GET4: variants seen among roughly 807,000 people sequenced by gnomAD.
GET4 encodes guided entry of tail-anchored proteins factor 4, also known as Golgi to ER traffic protein 4 homolog.
Under a neutral mutation model 40.0 loss-of-function variants are expected in GET4, and 20 were observed. That is an observed-to-expected ratio of 0.50 (90% CI 0.35 to 0.73). The LOEUF (loss-of-function observed/expected upper bound fraction) is 0.73. Ranked by LOEUF, GET4 falls within the 30% of genes least tolerant of loss-of-function variation. The pLI, the probability that GET4 is intolerant of heterozygous loss-of-function variation, is 0.01. For synonymous variants in GET4, 280 were observed against 194.6 expected, an observed-to-expected ratio of 1.44 and a Z score of -3.65; for missense variants, 557 against 454.0, an observed-to-expected ratio of 1.23 and a Z score of -2.06.
intron 1 of GET4, among the ~76,000 whole-genome samples, chr7:877,135 C>T (rs1843973073): frequency 6.6e-6 from 1 of 151,678 alleles, no homozygotes; most frequent in African/African-American, 2.4e-5. Flanking sequence ...GTCTCCTCGG[C>T]CGCCTCCCGC....
In GET4 at chr7:876,654, G is replaced by A; in HGVS notation, c.9G>A (p.Ala3=). 2 of 1,278,980 alleles carry A rather than the reference G, an allele frequency of 1.6e-6. No individual in the cohort carries two copies. The highest frequency in any genetic ancestry group is 2.0e-6 in the Non-Finnish European group (2 of 1,005,956). 79.2% of individuals were successfully genotyped at this position (1,278,980 alleles called of 1,614,324 possible). A position where few individuals can be genotyped will look rare whatever the true frequency, so the allele number is the denominator to read the frequency against. Residue 3 remains alanine, a synonymous_variant, in exon 1 of 9, where the codon GCG becomes GCA. Coordinates refer to ENST00000265857, the MANE Select transcript of GET4 (RefSeq NM_015949.3). MA[A]AAAMAEQESA... The stretch of plus-strand genomic sequence containing the variant: ...CGCGGAGCGCCGGCCCGATGGCGGC[G>A]GCGGCGGCGATGGCCGAGCAGGAGA...
At chr7:888,848 C>A (rs955473094) in intron 4 of GET4, among the ~76,000 whole-genome samples, 1 of 152,360 alleles carries the variant, frequency 6.6e-6, no homozygotes. Context: ...GGCCCCACTG[C>A]CAGGTTAGGG....
intron 1 of GET4, chr7:885,301 C>T (rs764076953): frequency 6.6e-6 from 1 of 152,292 alleles, no homozygotes; most frequent in Non-Finnish European, 1.5e-5. Context: ...CAGAGGCTGC[C>T]TCCTGCCCTC....
intron 1 of GET4, chr7:878,089 C>T: frequency 3.0e-6 from 1 of 328,972 alleles, no homozygotes; most frequent in South Asian, 2.3e-5. Context: ...TGACGCCGCC[C>T]GGCCTGCCGA....
chr7:884,450 T>C, intron 1 of GET4: 1 of 1,028,124 alleles, frequency 9.7e-7, no homozygotes. Context: ...ACCGGAGGCC[T>C]GCCAACGGCC....
rs1249692743 is a variant in GET4 at position 890,936 on chromosome 7, T to A, written c.475T>A (p.Tyr159Asn). The A allele has an allele frequency of 6.2e-7, 1 of 1,605,148 alleles. No homozygotes were observed. The highest frequency in any genetic ancestry group is 1.1e-5 in the South Asian group (1 of 90,884). Residue 159 changes from tyrosine (Y) to asparagine (N), a missense_variant, in exon 5 of 9, where the codon TAT becomes AAT. Coordinates refer to ENST00000265857, the MANE Select transcript of GET4 (RefSeq NM_015949.3). ...LALTLWKEQN[Y>N]CESRYHFLHS... ...CTGTCTTTCCTTTGCAGAACAAAAC[T>A]ATTGTGAGTCGAGGTATCATTTTCT... is the stretch of plus-strand genomic sequence containing the variant.
Position 895,566 on chromosome 7 carries a change from C to CG in GET4, c.*146dup, listed in dbSNP as rs1238732123. On this transcript the variant is annotated 3_prime_UTR_variant, in exon 9 of 9. Coordinates refer to ENST00000265857, the MANE Select transcript of GET4 (RefSeq NM_015949.3). ...ATGCCGGCGCGTGTCTGTTTCTGTG[C>CG]GGCGGCTCAGGGTGGCGCGGCTGCT... The CG allele has an allele frequency of 7.7e-6, 4 of 518,508 alleles. No homozygotes were observed. The African/African-American group carries it at 7.9e-5, about 10-fold the overall frequency. 32.1% of individuals were successfully genotyped at this position (518,508 alleles called of 1,614,324 possible).
Position 887,488 on chromosome 7 carries a change from G to A in GET4, c.435G>A (p.Leu145=), listed in dbSNP as rs950758107. ...GGSGKLGHPR[L]HQLLALTLWK... is the part of the protein sequence containing the mutation. ...CCGGGAAGCTGGGCCACCCCCGGCT[G>A]CACCAGCTGCTGGCCCTCACCCTGT... Residue 145 remains leucine (L), a synonymous_variant, in exon 4 of 9, where the codon CTG becomes CTA. Coordinates refer to ENST00000265857, the MANE Select transcript of GET4 (RefSeq NM_015949.3). 4 of 1,572,112 alleles carry A rather than the reference G, an allele frequency of 2.5e-6. No individual in the cohort carries two copies. The highest frequency in any genetic ancestry group is 2.7e-5 in the African/African-American group (2 of 73,572).
rs749497997 is a variant in GET4 at position 886,656 on chromosome 7, C to A, written c.316+6C>A. The stretch of plus-strand genomic sequence containing the variant: ...GGTGGCTGACGAGCTGCTGGGTGAG[C>A]ATCCGGCCCTTCACCCCGGGACCCT... On this transcript the variant is annotated splice_donor_region_variant and intron_variant, in intron 3 of 8. Coordinates refer to ENST00000265857, the MANE Select transcript of GET4 (RefSeq NM_015949.3). 6.2e-7 allele frequency: 1 copy of A among 1,600,686 alleles called. No homozygotes were observed. The highest frequency in any genetic ancestry group is 8.6e-7 in the Non-Finnish European group (1 of 1,169,394).
chr7:891,322 A>G (rs966440976), intron 5 of GET4, among the ~76,000 whole-genome samples: 2 of 152,120 alleles, frequency 1.3e-5, no homozygotes, highest in African/African-American at 2.4e-5. Context: ...CCTCTCGCCC[A>G]CTGCCGGGAG....
chr7:893,870 C>T (rs747182756), intron 7 of GET4, 29 bp from the exon 8 acceptor site: 14 of 1,611,200 alleles, frequency 8.7e-6, no homozygotes, highest in African/African-American at 1.3e-5. Flanking sequence ...GGGTCCACCC[C>T]CTCTGAGCCC....
At chr7:892,844 G>A (rs994637298) in intron 6 of GET4, among the ~76,000 whole-genome samples, 1 of 151,534 alleles carries the variant, frequency 6.6e-6, no homozygotes, top group Non-Finnish European at 1.5e-5. Context: ...TGCGTGTCTG[G>A]TGTGGGTAGT....
At chr7:893,275 G>T (rs1481380389) in intron 6 of GET4, among the ~76,000 whole-genome samples, 4 of 117,218 alleles carry the variant, frequency 3.4e-5, no homozygotes, top group East Asian at 3.0e-4. Flanking sequence ...GCGCGGTGGT[G>T]TGTGCAGGTG....
chr7:891,282 G>A (rs1844316176), intron 5 of GET4, among the ~76,000 whole-genome samples: 1 of 152,174 alleles, frequency 6.6e-6, no homozygotes. Context: ...TTTCCCGACG[G>A]GCACTGGAGT....
At position 890,315 on chromosome 7, in the gene GET4, AGC is replaced by A. The variant is rs1246745258; in HGVS notation, c.467-609_467-608del. ...CAGGACGGGGTCTGGGAGTGGAGGG[AGC>A]GCGAGCGGGTGTCAGGACGGGGTCT... On this transcript the variant is annotated intron_variant, in intron 4 of 8. Coordinates refer to ENST00000265857, the MANE Select transcript of GET4 (RefSeq NM_015949.3). 1.1e-3 allele frequency among the ~76,000 whole-genome samples: 27 copies of A among 24,102 alleles called. 7 individuals carry two copies. Among genetic ancestry groups the A allele is most frequent in the South Asian group, 4.7e-3 (3 of 638 alleles). 15.8% of individuals were successfully genotyped at this position (24,102 alleles called of 152,430 possible). A position where few individuals can be genotyped will look rare whatever the true frequency, so the allele number is the denominator to read the frequency against.
At chr7:890,507 A>C (rs978544580) in intron 4 of GET4, among the ~76,000 whole-genome samples, 2 of 152,114 alleles carry the variant, frequency 1.3e-5, no homozygotes, top group Admixed American at 1.3e-4. Flanking sequence ...TTGTTGGGTC[A>C]GTGTGGTGAG....
At chr7:893,603 C>CGGT (rs34784960) in intron 6 of GET4, 137 bp from the exon 7 acceptor site, 481,049 of 609,140 alleles carry the variant, frequency 0.79, 189,113 homozygotes, top group Admixed American at 0.87. Context: ...GGCATGGGCG[C>CGGT]GGTGTGTGCA....
At position 893,595 on chromosome 7, in the gene GET4, CAT is replaced by C. The variant is rs1562898421; in HGVS notation, c.747-144_747-143del. The C allele has an allele frequency of 1.7e-5, 6 of 352,138 alleles. No individual in the cohort carries two copies. The African/African-American group carries it at 4.2e-4, about 25-fold the overall frequency. The allele number at this position is 352,138 out of a possible 1,614,324, so 21.8% of individuals were successfully genotyped here. On this transcript the variant is annotated intron_variant, in intron 6 of 8. Coordinates refer to ENST00000265857, the MANE Select transcript of GET4 (RefSeq NM_015949.3). ...GTGGTGGTTGCAGGTGAGTGTTGGG[CAT>C]GGGCGCGGTGTGTGCAGGTGAGTGT...
intron 6 of GET4, among the ~76,000 whole-genome samples, chr7:892,937 G>C (rs112692515): frequency 6.6e-6 from 1 of 151,806 alleles, no homozygotes; most frequent in East Asian, 1.9e-4. Context: ...GGGTATAGAC[G>C]TGGCATGGGT....
Sources: gnomAD v4.1 joint callset for allele counts (sites outside exome capture counted in the v4.1 genomes callset) on GRCh38, gnomAD v4.1.1 for gene constraint, MANE v1.5 for transcripts, NCBI Gene and HGNC (gene_info 2026-07-23, HGNC 2026-07-21) for gene names.